The following MYO18A variants were observed in gnomAD, a reference collection of about 807,000 sequenced individuals.
MYO18A encodes unconventional myosin-XVIIIa.
In MYO18A, 78 loss-of-function variants were observed where a neutral mutation model predicts 235.8. That is an observed-to-expected ratio of 0.33 (90% CI 0.28 to 0.40). The LOEUF is 0.40. MYO18A is among the 10% of genes least tolerant of loss of function. The pLI is 1.00. For missense variants in MYO18A, 2,215 were observed against 2,699.3 expected, an observed-to-expected ratio of 0.82 and a Z score of 3.98; for synonymous variants, 977 against 1,077.8, an observed-to-expected ratio of 0.91 and a Z score of 1.83.
intron 41 of MYO18A, chr17:29,080,776 G>A (rs2066101795): frequency 2.0e-6 from 2 of 985,364 alleles, no homozygotes; most frequent in Non-Finnish European, 1.2e-6. Context: ...GCACTCCTCC[G>A]GCTCCTCGGA....
chr17:29,109,716 G>T lies in MYO18A; in HGVS notation c.3331+142C>A. ...AAAGGGGCTGTGGGCTGGGAGAGAT[G>T]AGGAGAGACCAGAGCAGAAAGGATC... On this transcript the variant is annotated intron_variant, in intron 19 of 41. Coordinates refer to ENST00000527372, the MANE Select transcript of MYO18A (RefSeq NM_078471.4). This position sits in a 1 kb window ranked among gnomAD's most constrained non-coding sequence, Gnocchi z 4.1. 1 of 1,080,342 alleles carries T rather than the reference G, an allele frequency of 9.3e-7. No individual in the cohort carries two copies. Among genetic ancestry groups the T allele is most frequent in the Non-Finnish European group, 1.3e-6 (1 of 755,022 alleles). 66.9% of individuals were successfully genotyped at this position (1,080,342 alleles called of 1,614,324 possible). A position where few individuals can be genotyped will look rare whatever the true frequency, so the allele number is the denominator to read the frequency against.
At chr17:29,114,232 TC>T (rs2067003816) in intron 14 of MYO18A, 135 bp from the exon 15 acceptor site, 2 of 646,388 alleles carry the variant, frequency 3.1e-6, no homozygotes, top group South Asian at 1.8e-5. Flanking sequence ...CCCTCCATCA[TC>T]CCAAATGAAA....
At chr17:29,169,708 C>T (rs1272777884) in intron 1 of MYO18A, among the ~76,000 whole-genome samples, 1 of 152,152 alleles carries the variant, frequency 6.6e-6, no homozygotes, top group African/African-American at 2.4e-5. Context: ...AAGAAATCCA[C>T]CTTGGGGACT....
chr17:29,112,437 C>T (rs1176163108), intron 15 of MYO18A, among the ~76,000 whole-genome samples: 1 of 152,202 alleles, frequency 6.6e-6, no homozygotes, highest in African/African-American at 2.4e-5. Flanking sequence ...GCAGCCAAAA[C>T]GGGTAGAGGC....
At chr17:29,150,336 G>T (rs984647365) in intron 2 of MYO18A, among the ~76,000 whole-genome samples, 16 of 152,240 alleles carry the variant, frequency 1.1e-4, no homozygotes, top group Admixed American at 1.0e-3. Flanking sequence ...CAAATCCACT[G>T]GGGCATGTGA....
Position 29,118,535 on chromosome 17 carries a change from T to C in MYO18A, c.1830-95A>G. On this transcript the variant is annotated intron_variant, in intron 8 of 41. Coordinates refer to ENST00000527372, the MANE Select transcript of MYO18A (RefSeq NM_078471.4). The surrounding 1 kb of genome is among the most constrained non-coding windows in gnomAD (Gnocchi z 4.2). ...AGACAGACAGACTCAGCTTCCAGAC[T>C]CCAAGTTTTGTCTGCCCATCATCCC... 1 of 1,173,472 alleles carries C rather than the reference T, an allele frequency of 8.5e-7. No homozygotes were observed. Among genetic ancestry groups the C allele is most frequent in the Non-Finnish European group, 1.2e-6 (1 of 817,898 alleles). 72.7% of individuals were successfully genotyped at this position (1,173,472 alleles called of 1,614,324 possible). A position where few individuals can be genotyped will look rare whatever the true frequency, so the allele number is the denominator to read the frequency against.
intron 2 of MYO18A, among the ~76,000 whole-genome samples, chr17:29,136,235 G>GAAAAAAAAAAA (rs1181249964): frequency 3.8e-5 from 4 of 105,304 alleles, no homozygotes; most frequent in African/African-American, 8.7e-5. Flanking sequence ...CATCTCAAAA[G>GAAAAAAAAAAA]AAAAAAAAAA....
Position 29,149,346 on chromosome 17 carries a change from A to G in MYO18A, c.999+16596T>C, listed in dbSNP as rs76463991. ...ATGAATACATGAATGCAAGGTCAAA[A>G]GACGCCAGGAAAGCCTGTTCTAGAG... On this transcript the variant is annotated intron_variant, in intron 2 of 41. Coordinates refer to ENST00000527372, the MANE Select transcript of MYO18A (RefSeq NM_078471.4). Among the ~76,000 whole-genome samples the G allele has an allele frequency of 5.7e-3, 861 of 152,372 alleles. 1 individual carries two copies. The highest frequency in any genetic ancestry group is 0.014 in the Middle Eastern group (4 of 294).
chr17:29,177,611 C>T (rs371392018), intron 1 of MYO18A, among the ~76,000 whole-genome samples: 172 of 152,172 alleles, frequency 1.1e-3, no homozygotes, highest in Non-Finnish European at 1.3e-3. Flanking sequence ...TTAAAGCACC[C>T]GGGGGTCTGA....
intron 41 of MYO18A, 171 bp from the exon 42 acceptor site, chr17:29,075,085 G>C (rs1949536772): frequency 1.4e-6 from 1 of 706,734 alleles, no homozygotes; most frequent in Admixed American, 2.9e-5. Flanking sequence ...AATGCTAAGA[G>C]GAAGGAGACT....
chr17:29,173,500 G>A (rs1464513548), intron 1 of MYO18A, among the ~76,000 whole-genome samples: 1 of 151,044 alleles, frequency 6.6e-6, no homozygotes, highest in African/African-American at 2.4e-5. Flanking sequence ...CCATTCTCCT[G>A]CCTCAGCCTC....
chr17:29,094,118 TTCCCTC>T (rs746553487), intron 30 of MYO18A, 28 bp from the exon 31 acceptor site: 1 of 1,555,124 alleles, frequency 6.4e-7, no homozygotes, highest in Non-Finnish European at 8.8e-7. Context: ...AGGGTCTGGG[TTCCCTC>T]CCCAGCTGTG....
At chr17:29,145,176 A>G (rs1415534767) in intron 2 of MYO18A, among the ~76,000 whole-genome samples, 3 of 152,122 alleles carry the variant, frequency 2.0e-5, no homozygotes, top group Non-Finnish European at 4.4e-5. Context: ...ACCATTTCCT[A>G]CTTCCTTTAT....
Position 29,114,927 on chromosome 17 carries a change from C to G in MYO18A, c.2491G>C (p.Glu831Gln). The G allele has an allele frequency of 6.2e-7, 1 of 1,613,802 alleles. No homozygotes were observed. Among genetic ancestry groups the G allele is most frequent in the Non-Finnish European group, 8.5e-7 (1 of 1,179,790 alleles). ...RLFHERTFVQ[E>Q]LERYKEENIE... ...GCTACCTCCTTGTATCTTTCCAACT[C>G]CTGCACGAAGGTGCGCTCGTGGAAG... is the stretch of plus-strand genomic sequence containing the variant. The change falls in exon 14 of 42, where the codon GAG becomes CAG. Residue 831 changes from glutamate to glutamine, a missense_variant. Glu to Gln is a conservative substitution (Grantham distance 29, BLOSUM62 2). Transcript: ENST00000527372.
chr17:29,123,941 G>C (rs983471889), intron 2 of MYO18A, among the ~76,000 whole-genome samples: 7 of 152,068 alleles, frequency 4.6e-5, no homozygotes, highest in Non-Finnish European at 1.0e-4. Context: ...CCAGCTACTT[G>C]GGAGGCTGAG....
intron 2 of MYO18A, among the ~76,000 whole-genome samples, chr17:29,124,483 CT>C (rs2067272824): frequency 6.6e-6 from 1 of 152,218 alleles, no homozygotes; most frequent in Admixed American, 6.5e-5. Flanking sequence ...GCTCCCGGCA[CT>C]ACCTCCCGCT....
chr17:29,133,746 A>G (rs2152904581), intron 2 of MYO18A: 1 of 1,250,820 alleles, frequency 8.0e-7, no homozygotes, highest in Non-Finnish European at 1.0e-6. Context: ...GCCTGCAGAT[A>G]CAACATGCCA....
At chr17:29,167,891 A>G (rs1338422504) in intron 1 of MYO18A, among the ~76,000 whole-genome samples, 1 of 152,176 alleles carries the variant, frequency 6.6e-6, no homozygotes, top group East Asian at 1.9e-4. Context: ...ACATTTATTT[A>G]ATGACTACCA....
At chr17:29,162,572 C>T (rs1388300381) in intron 2 of MYO18A, among the ~76,000 whole-genome samples, 1 of 152,222 alleles carries the variant, frequency 6.6e-6, no homozygotes, top group Non-Finnish European at 1.5e-5. Flanking sequence ...CTCCCAGCAC[C>T]AGGACTGGCC....
Sources: allele counts gnomAD v4.1 joint callset (sites outside exome capture counted in the v4.1 genomes callset), GRCh38; gene constraint gnomAD v4.1.1; non-coding constraint Gnocchi (gnomAD v3.1); transcripts MANE v1.5; gene names NCBI Gene and HGNC (gene_info 2026-07-23, HGNC 2026-07-21).